EVI5L: variants seen among roughly 807,000 people sequenced by gnomAD.
The protein encoded by EVI5L is ecotropic viral integration site 5 like, also known as EVI5-like protein.
EVI5L carries 30 observed loss-of-function variants against 106.1 expected under a neutral mutation model. That is an observed-to-expected ratio of 0.28 (90% CI 0.21 to 0.38). The LOEUF (loss-of-function observed/expected upper bound fraction) is 0.38. Ranked by LOEUF, EVI5L falls within the 10% of genes least tolerant of loss-of-function variation. The probability of loss-of-function intolerance (pLI) is 1.00; values close to 1 mark genes in which losing one functional copy is unlikely to be tolerated. For synonymous variants in EVI5L, 489 were observed against 483.3 expected, an observed-to-expected ratio of 1.01 and a Z score of -0.15; for missense variants, 809 against 1,098.0, an observed-to-expected ratio of 0.74 and a Z score of 3.72.
At chr19:7,843,148 G>A (rs1978735643) in intron 1 of EVI5L, among the ~76,000 whole-genome samples, 1 of 150,672 alleles carries the variant, frequency 6.6e-6, no homozygotes. Context: ...ATAGGTGTGT[G>A]AGCGAATAGG....
intron 14 of EVI5L, 70 bp from the exon 15 acceptor site, chr19:7,861,808 G>A (rs531816336): frequency 2.6e-6 from 4 of 1,530,748 alleles, no homozygotes; most frequent in Non-Finnish European, 3.5e-6. Flanking sequence ...GTGGCTGGGG[G>A]CGTTTGTCCT....
Position 7,831,662 on chromosome 19 carries a change from G to A in EVI5L, c.-48+1281G>A, listed in dbSNP as rs539520623. On this transcript the variant is annotated intron_variant, in intron 1 of 19. Coordinates refer to ENST00000538904, the MANE Select transcript of EVI5L (RefSeq NM_001159944.3). ...ACTTTCTCTCCTACACTAGTGTCCC[G>A]AAGGAACCACTGCCCGCCCCCTGAT... Among the ~76,000 whole-genome samples, 9 of 152,292 alleles carry A rather than the reference G, an allele frequency of 5.9e-5. No homozygotes were observed. In the South Asian group the frequency reaches 1.2e-3, roughly 21 times the overall value.
chr19:7,863,903 T>G lies in EVI5L; in HGVS notation c.*201T>G. The G allele has an allele frequency of 1.6e-6, 1 of 643,086 alleles. No individual in the cohort carries two copies. The allele number at this position is 643,086 out of a possible 1,614,324, so 39.8% of individuals were successfully genotyped here. On this transcript the variant is annotated 3_prime_UTR_variant, in exon 20 of 20. Transcript: ENST00000538904. This position sits in a 1 kb window ranked among gnomAD's most constrained non-coding sequence, Gnocchi z 7.7. ...TCAGGGCCCCGGGGCAGGCTCTCTA[T>G]CCCCAGCAGTGTTTACCCATCTTGG...
intron 10 of EVI5L, among the ~76,000 whole-genome samples, chr19:7,854,279 C>G (rs1169477217): frequency 9.6e-6 from 1 of 104,332 alleles, no homozygotes; most frequent in Non-Finnish European, 2.1e-5. Flanking sequence ...GAGACTGTGT[C>G]TCAAAAAAAA....
intron 1 of EVI5L, among the ~76,000 whole-genome samples, chr19:7,832,729 C>T (rs549594462): frequency 6.6e-6 from 1 of 152,214 alleles, no homozygotes; most frequent in South Asian, 2.1e-4. Context: ...CAGCTCGAAT[C>T]AGAGCTGGAA....
At position 7,856,009 on chromosome 19, in the gene EVI5L, C is replaced by G; in HGVS notation, c.1147-6C>G. The G allele has an allele frequency of 7.5e-7, 1 of 1,327,678 alleles. No individual in the cohort carries two copies. Among genetic ancestry groups the G allele is most frequent in the East Asian group, 2.8e-5 (1 of 35,730 alleles). The allele number at this position is 1,327,678 out of a possible 1,614,324, so 82.2% of individuals were successfully genotyped here. ...GCTATGACGTGATCTCCCCCCACCC[C>G]CATAGAGACTTCGGACGGAGAACCG... is the stretch of plus-strand genomic sequence containing the variant. On this transcript the variant is annotated splice_polypyrimidine_tract_variant and splice_region_variant and intron_variant, in intron 10 of 19. Coordinates refer to ENST00000538904, the MANE Select transcript of EVI5L (RefSeq NM_001159944.3). The surrounding 1 kb of genome is among the most constrained non-coding windows in gnomAD (Gnocchi z 6.6).
chr19:7,832,380 C>G (rs927218687), intron 1 of EVI5L, among the ~76,000 whole-genome samples: 1 of 152,206 alleles, frequency 6.6e-6, no homozygotes, highest in African/African-American at 2.4e-5. Flanking sequence ...CTCAGAAACC[C>G]TGAGATAAAA....
intron 10 of EVI5L, among the ~76,000 whole-genome samples, chr19:7,855,372 G>A (rs561155682): frequency 2.6e-5 from 4 of 152,230 alleles, no homozygotes; most frequent in South Asian, 2.1e-4. Context: ...GATTACAGGC[G>A]TGAGCCACTA....
Position 7,857,064 on chromosome 19 carries a change from G to A in EVI5L, c.1201-28G>A. On this transcript the variant is annotated intron_variant, in intron 11 of 19. Coordinates refer to ENST00000538904, the MANE Select transcript of EVI5L (RefSeq NM_001159944.3). This position sits in a 1 kb window ranked among gnomAD's most constrained non-coding sequence, Gnocchi z 4.5. ...GCCTTCCGCTCTGCCTCCTCCCCCT[G>A]TCGCTGGGAACCCCCTTCGCCGGGT... 2 of 1,551,832 alleles carry A rather than the reference G, an allele frequency of 1.3e-6. No homozygotes were observed. Among genetic ancestry groups the A allele is most frequent in the Non-Finnish European group, 1.7e-6 (2 of 1,147,014 alleles).
In EVI5L at chr19:7,835,510, A is replaced by G. The variant is rs1978325685; in HGVS notation, c.-48+5129A>G. 6.6e-6 allele frequency among the ~76,000 whole-genome samples: 1 copy of G among 152,192 alleles called. No homozygotes were observed. The highest frequency in any genetic ancestry group is 2.1e-4 in the South Asian group (1 of 4,824). ...GTGACAGAGGTAGACTCGGTTTCAA[A>G]GAAAAAAGAATAAAAAGAAAAGAAA... On this transcript the variant is annotated intron_variant, in intron 1 of 19. Transcript: ENST00000538904. This position sits in a 1 kb window ranked among gnomAD's most constrained non-coding sequence, Gnocchi z 4.1.
chr19:7,840,083 C>G (rs1390656884), intron 1 of EVI5L, among the ~76,000 whole-genome samples: 1 of 152,202 alleles, frequency 6.6e-6, no homozygotes. Context: ...CACCGGGGAC[C>G]CAGATAGATG....
intron 1 of EVI5L, among the ~76,000 whole-genome samples, chr19:7,836,151 T>G (rs1417696222): frequency 2.0e-5 from 3 of 151,782 alleles, no homozygotes; most frequent in African/African-American, 7.3e-5. Flanking sequence ...GGAGGAGAAG[T>G]GCTTGAACCC....
intron 1 of EVI5L, among the ~76,000 whole-genome samples, chr19:7,837,279 C>T (rs944035758): frequency 2.6e-5 from 4 of 151,282 alleles, no homozygotes; most frequent in Non-Finnish European, 4.4e-5. Flanking sequence ...TGCAGTGAGC[C>T]GAGATCACAC....
At position 7,850,306 on chromosome 19, in the gene EVI5L, T is replaced by G. The variant is rs1979178595; in HGVS notation, c.753+184T>G. 6.6e-6 allele frequency among the ~76,000 whole-genome samples: 1 copy of G among 152,066 alleles called. No homozygotes were observed. Among genetic ancestry groups the G allele is most frequent in the South Asian group, 2.1e-4 (1 of 4,828 alleles). On this transcript the variant is annotated intron_variant, in intron 6 of 19. Transcript: ENST00000538904. The surrounding 1 kb of genome is among the most constrained non-coding windows in gnomAD (Gnocchi z 5.4). ...ACGTTCCAACTCCAAAAGGCACTCC[T>G]CTTTCCATGCAGCACTGCCCTGAAG...
In EVI5L at chr19:7,857,287, G is replaced by C. The variant is rs967236177; in HGVS notation, c.1233+163G>C. 5.7e-5 allele frequency: 51 copies of C among 889,242 alleles called. No individual in the cohort carries two copies. Among genetic ancestry groups the C allele is most frequent in the Non-Finnish European group, 2.5e-5 (14 of 565,748 alleles). 55.1% of individuals were successfully genotyped at this position (889,242 alleles called of 1,614,324 possible). A position where few individuals can be genotyped will look rare whatever the true frequency, so the allele number is the denominator to read the frequency against. On this transcript the variant is annotated intron_variant, in intron 12 of 19. Coordinates refer to ENST00000538904, the MANE Select transcript of EVI5L (RefSeq NM_001159944.3). This position sits in a 1 kb window ranked among gnomAD's most constrained non-coding sequence, Gnocchi z 4.5. ...CTTCTGGGGGACACAGAGGCTTCCC[G>C]GGGGGGCGGGGCATGTGAAGTGGGG...
Position 7,851,672 on chromosome 19 carries a change from C to T in EVI5L, c.898-9C>T, listed in dbSNP as rs376739627. On this transcript the variant is annotated splice_polypyrimidine_tract_variant and intron_variant, in intron 7 of 19. Transcript: ENST00000538904. ...CCTCCACCTCCCACTGCCTTTGCCG[C>T]CTTTGCAGGGGCTGGAGATCGTGTT... The T allele has an allele frequency of 6.3e-7, 1 of 1,584,594 alleles. No individual in the cohort carries two copies. Among genetic ancestry groups the T allele is most frequent in the Non-Finnish European group, 8.6e-7 (1 of 1,168,096 alleles).
At chr19:7,833,695 A>G (rs1264166477) in intron 1 of EVI5L, among the ~76,000 whole-genome samples, 1 of 152,144 alleles carries the variant, frequency 6.6e-6, no homozygotes, top group African/African-American at 2.4e-5. Flanking sequence ...ACTTCCTTTG[A>G]TAGGCGTCTT....
In EVI5L at chr19:7,863,211, G is replaced by T; in HGVS notation, c.2070G>T (p.Gln690His). 1 of 1,560,596 alleles carries T rather than the reference G, an allele frequency of 6.4e-7. No homozygotes were observed. Among genetic ancestry groups the T allele is most frequent in the Non-Finnish European group, 8.7e-7 (1 of 1,152,626 alleles). The change falls in exon 19 of 20, where the codon CAG (glutamine) becomes CAT (histidine). Residue 690 changes from glutamine to histidine, a missense_variant. By Grantham distance (24) the Gln-to-His change is conservative (BLOSUM62 0). Coordinates refer to ENST00000538904, the MANE Select transcript of EVI5L (RefSeq NM_001159944.3). This position sits in a 1 kb window ranked among gnomAD's most constrained non-coding sequence, Gnocchi z 7.7. ...IQREEGRIQG[Q>H]LNHSDSSQYI... ...GGGAGGAAGGCCGCATCCAGGGCCA[G>T]CTGAACCACTCGGACTCATCGCAGT...
At chr19:7,854,308 G>GAAAAGA (rs1979424031) in intron 10 of EVI5L, among the ~76,000 whole-genome samples, 1 of 147,524 alleles carries the variant, frequency 6.8e-6, no homozygotes, top group African/African-American at 2.5e-5. Flanking sequence ...GAAAAGAAAA[G>GAAAAGA]AAAAAAAACA....
Sources: allele counts gnomAD v4.1 joint callset (sites outside exome capture counted in the v4.1 genomes callset), GRCh38; gene constraint gnomAD v4.1.1; non-coding constraint Gnocchi (gnomAD v3.1); transcripts MANE v1.5; gene names NCBI Gene and HGNC (gene_info 2026-07-23, HGNC 2026-07-21).